Variants in ST8SIA2 observed in about 807,000 individuals in gnomAD.
The protein encoded by ST8SIA2 is ST8 alpha-N-acetyl-neuraminide alpha-2,8-sialyltransferase 2, also known as alpha-2,8-sialyltransferase 8B.
In ST8SIA2, 22 loss-of-function variants were observed where a neutral mutation model predicts 37.6. The ratio of observed to expected loss-of-function variants is 0.58; its 90% CI spans 0.42 to 0.83. The LOEUF (loss-of-function observed/expected upper bound fraction) is 0.83, where lower values mean the gene tolerates loss of function less well. Among genes scored for constraint, ST8SIA2 ranks in the 40% least tolerant of loss-of-function variants. ST8SIA2 has a pLI of 0.00. For synonymous variants in ST8SIA2, 205 were observed against 201.2 expected (o/e 1.02, Z -0.16); for missense variants, 382 against 484.7 (o/e 0.79, Z 1.99).
chr15:92,421,357 A>G (rs1414929620), intron 1 of ST8SIA2: 1 of 152,250 alleles, frequency 6.6e-6, no homozygotes, highest in African/African-American at 2.4e-5. Context: ...ATCGTAGAGC[A>G]GGAATTAGCA....
chr15:92,442,501 T>C (rs1343571572), intron 4 of ST8SIA2, among the ~76,000 whole-genome samples: 1 of 152,134 alleles, frequency 6.6e-6, no homozygotes, highest in Non-Finnish European at 1.5e-5. Context: ...TCCTGCCCCA[T>C]GGTTGATCCC....
Position 92,464,478 on chromosome 15 carries a change from C to G in ST8SIA2, c.*93C>G, listed in dbSNP as rs1268737962. ...GGGGTGGCACAAACAATAGAACAAG[C>G]AGGCTAGTGGTTTTCTTTGTTAAAG... is the stretch of plus-strand genomic sequence containing the variant. On this transcript the variant is annotated 3_prime_UTR_variant, in exon 6 of 6. Transcript: ENST00000268164. 1 of 1,414,190 alleles carries G rather than the reference C, an allele frequency of 7.1e-7. No homozygotes were observed. Among genetic ancestry groups the G allele is most frequent in the African/African-American group, 1.4e-5 (1 of 70,918 alleles). The allele number at this position is 1,414,190 out of a possible 1,614,324, so 87.6% of individuals were successfully genotyped here.
chr15:92,397,589 T>G (rs184247203), intron 1 of ST8SIA2, among the ~76,000 whole-genome samples: 134 of 152,342 alleles, frequency 8.8e-4, no homozygotes, highest in African/African-American at 3.2e-3. Context: ...AAATAGGCCC[T>G]GATCAATTCA....
chr15:92,449,104 G>A lies in ST8SIA2; in HGVS notation c.842+4175G>A, dbSNP rs188492861. On this transcript the variant is annotated intron_variant, in intron 5 of 5. Coordinates refer to ENST00000268164, the MANE Select transcript of ST8SIA2 (RefSeq NM_006011.4). Reference sequence around the variant, plus strand: ...TGATGCTGAGGTTTGTGATACAAACGATCCCACCACCCAGGCACTAAACTT... The same window carrying A: ...TGATGCTGAGGTTTGTGATACAAACAATCCCACCACCCAGGCACTAAACTT... 1.4e-3 allele frequency among the ~76,000 whole-genome samples: 215 copies of A among 152,014 alleles called. 3 individuals are homozygous for A. Among genetic ancestry groups the A allele is most frequent in the African/African-American group, 4.8e-3 (200 of 41,422 alleles).
chr15:92,400,632 C>G (rs1007888621), intron 1 of ST8SIA2, among the ~76,000 whole-genome samples: 4 of 152,162 alleles, frequency 2.6e-5, no homozygotes, highest in Non-Finnish European at 5.9e-5. Context: ...GTGGTGTTTG[C>G]CCCCTGCCAG....
chr15:92,434,522 C>G, intron 3 of ST8SIA2, 147 bp downstream of exon 3: 3 of 1,281,058 alleles, frequency 2.3e-6, no homozygotes, highest in Non-Finnish European at 3.3e-6. Context: ...AGTGATCAAT[C>G]GGAAATAAAA....
chr15:92,422,757 A>G (rs552084740), intron 1 of ST8SIA2: 4 of 152,762 alleles, frequency 2.6e-5, no homozygotes, highest in South Asian at 2.1e-4. Context: ...GTTGTTCTGC[A>G]GACAACAAAT....
At chr15:92,452,483 G>T (rs1331417535) in intron 5 of ST8SIA2, among the ~76,000 whole-genome samples, 1 of 152,190 alleles carries the variant, frequency 6.6e-6, no homozygotes, top group Non-Finnish European at 1.5e-5. Flanking sequence ...TCAGGGACAG[G>T]CAATCTCTGT....
At chr15:92,421,708 A>G (rs1404143016) in intron 1 of ST8SIA2, among the ~76,000 whole-genome samples, 2 of 152,256 alleles carry the variant, frequency 1.3e-5, no homozygotes, top group Admixed American at 6.5e-5. Flanking sequence ...CCTTGTATGA[A>G]AAGTTCCCCA....
At chr15:92,429,840 G>C (rs557502252) in intron 1 of ST8SIA2, among the ~76,000 whole-genome samples, 1 of 152,316 alleles carries the variant, frequency 6.6e-6, no homozygotes, top group East Asian at 1.9e-4. Flanking sequence ...AGTGGGGAGA[G>C]GGGCAGGGGA....
chr15:92,432,803 A>T (rs529990269), intron 2 of ST8SIA2, among the ~76,000 whole-genome samples: 98 of 152,308 alleles, frequency 6.4e-4, no homozygotes, highest in African/African-American at 2.1e-3. Flanking sequence ...GTGAGACAAC[A>T]TGCACCCCTA....
intron 4 of ST8SIA2, among the ~76,000 whole-genome samples, chr15:92,440,619 G>A (rs532718310): frequency 6.6e-6 from 1 of 152,202 alleles, no homozygotes; most frequent in Admixed American, 6.5e-5. Context: ...GGGTGGACCT[G>A]TGGGGTGTTT....
At chr15:92,410,201 C>A (rs2049539372) in intron 1 of ST8SIA2, among the ~76,000 whole-genome samples, 1 of 152,222 alleles carries the variant, frequency 6.6e-6, no homozygotes, top group African/African-American at 2.4e-5. Context: ...GGAGTTCAGC[C>A]TCACTGGAAA....
rs913520704 is a variant in ST8SIA2, at chr15:92,465,379, GA to G, written c.*997del. 4 of 152,244 alleles carry G rather than the reference GA, an allele frequency of 2.6e-5. No homozygotes were observed. Among genetic ancestry groups the G allele is most frequent in the Non-Finnish European group, 5.9e-5 (4 of 68,062 alleles). 9.4% of individuals were successfully genotyped at this position (152,244 alleles called of 1,614,324 possible). ...ACCAGGGAAGCCACAATGAGAGCTT[GA>G]AAGGGTGCTGTCAAGATAAATGTCA... On this transcript the variant is annotated 3_prime_UTR_variant, in exon 6 of 6. Coordinates refer to ENST00000268164, the MANE Select transcript of ST8SIA2 (RefSeq NM_006011.4).
intron 1 of ST8SIA2, among the ~76,000 whole-genome samples, chr15:92,399,195 G>A (rs1437230254): frequency 6.6e-6 from 1 of 152,150 alleles, no homozygotes; most frequent in Non-Finnish European, 1.5e-5. Context: ...CAATCAAAAG[G>A]GCCTGCCTCG....
chr15:92,452,253 G>A (rs2049887109), intron 5 of ST8SIA2, among the ~76,000 whole-genome samples: 1 of 152,104 alleles, frequency 6.6e-6, no homozygotes, highest in Non-Finnish European at 1.5e-5. Context: ...CACATTCTCA[G>A]GCCCACCCCA....
At chr15:92,410,774 A>G (rs548316126) in intron 1 of ST8SIA2, among the ~76,000 whole-genome samples, 1 of 152,324 alleles carries the variant, frequency 6.6e-6, no homozygotes, top group African/African-American at 2.4e-5. Flanking sequence ...TGCTCATAGT[A>G]CTGCTGATTC....
chr15:92,443,965 G>A (rs1386303027), intron 4 of ST8SIA2, among the ~76,000 whole-genome samples: 1 of 152,124 alleles, frequency 6.6e-6, no homozygotes, highest in Non-Finnish European at 1.5e-5. Flanking sequence ...CACTCTTTTC[G>A]TGTACCTTGT....
At position 92,438,454 on chromosome 15, in the gene ST8SIA2, G is replaced by A. The variant is rs1162508320; in HGVS notation, c.392G>A (p.Ser131Asn). The change falls in exon 4 of 6, where the codon AGC (serine) becomes AAC (asparagine). Residue 131 changes from serine to asparagine, a missense_variant. Coordinates refer to ENST00000268164, the MANE Select transcript of ST8SIA2 (RefSeq NM_006011.4). ...ATTCATTACATCTTCGATCGAGACA[G>A]CACCATGAATGTGTCCCAGAACCTC... ...DIIHYIFDRD[S>N]TMNVSQNLYE... 6.2e-7 allele frequency: 1 copy of A among 1,614,112 alleles called. No individual in the cohort carries two copies. The highest frequency in any genetic ancestry group is 1.3e-5 in the African/African-American group (1 of 74,938).
Sources: gnomAD v4.1 joint callset for allele counts (sites outside exome capture counted in the v4.1 genomes callset) on GRCh38, gnomAD v4.1.1 for gene constraint, MANE v1.5 for transcripts, NCBI Gene and HGNC (gene_info 2026-07-23, HGNC 2026-07-21) for gene names.